TRIM24: variants seen among roughly 807,000 people sequenced by gnomAD.
The protein encoded by TRIM24 is transcription intermediary factor 1-alpha.
Under a neutral mutation model 123.9 loss-of-function variants are expected in TRIM24, and 29 were observed. The observed-to-expected ratio is 0.23, with a 90% confidence interval of 0.17 to 0.32. TRIM24 has a LOEUF of 0.32. Among genes scored for constraint, TRIM24 ranks in the 10% least tolerant of loss-of-function variants. The pLI, the probability that TRIM24 is intolerant of heterozygous loss-of-function variation, is 1.00. For synonymous variants in TRIM24, 456 were observed against 461.1 expected (o/e 0.99, Z 0.14); for missense variants, 932 against 1,295.3 (o/e 0.72, Z 4.31).
In TRIM24 at chr7:138,552,138, C is replaced by T. The variant is rs143245437; in HGVS notation, c.1261+958C>T. Among the ~76,000 whole-genome samples, 13 of 152,124 alleles carry T rather than the reference C, an allele frequency of 8.5e-5. No individual in the cohort carries two copies. In the East Asian group the frequency reaches 1.9e-3, roughly 23 times the overall value. ...AATTCAGTACAATTGCATGCTATAC[C>T]GGTTTGTAGCCTAGACTCTACCTAG... On this transcript the variant is annotated intron_variant, in intron 8 of 18. Transcript: ENST00000343526.
chr7:138,546,520 A>G, intron 7 of TRIM24, among the ~76,000 whole-genome samples: 1 of 152,138 alleles, frequency 6.6e-6, no homozygotes, highest in Non-Finnish European at 1.5e-5. Context: ...ATGTTAGAAG[A>G]TCTTTGTTTT....
chr7:138,587,198 C>A lies in TRIM24; in HGVS notation c.*2247C>A, dbSNP rs971427970. On this transcript the variant is annotated 3_prime_UTR_variant, in exon 19 of 19. Coordinates refer to ENST00000343526, the MANE Select transcript of TRIM24 (RefSeq NM_015905.3). ...TGAAACCCCGCCTCTACAAAAAATA[C>A]AAAAATTAGCCGGACATGGTGGCGT... 2.0e-5 allele frequency: 3 copies of A among 152,056 alleles called. No individual in the cohort carries two copies. Among genetic ancestry groups the A allele is most frequent in the Admixed American group, 2.0e-4 (3 of 15,258 alleles). 9.4% of individuals were successfully genotyped at this position (152,056 alleles called of 1,614,324 possible).
Position 138,559,861 on chromosome 7 carries a change from C to T in TRIM24, c.1530+4895C>T, listed in dbSNP as rs534707283. Among the ~76,000 whole-genome samples, 26 of 152,270 alleles carry T rather than the reference C, an allele frequency of 1.7e-4. No individual in the cohort carries two copies. In the South Asian group the frequency reaches 5.4e-3, roughly 32 times the overall value. On this transcript the variant is annotated intron_variant, in intron 9 of 18. Coordinates refer to ENST00000343526, the MANE Select transcript of TRIM24 (RefSeq NM_015905.3). ...AAGTGGTTGGGTTCCATTTCTTAAC[C>T]TAAACAGAGTCCCCAGGTCTAAAAG...
rs560631035 is a variant in TRIM24, at chr7:138,576,760, AAAGAT to A, written c.2087+318_2087+322del. On this transcript the variant is annotated intron_variant, in intron 13 of 18. Coordinates refer to ENST00000343526, the MANE Select transcript of TRIM24 (RefSeq NM_015905.3). Reference sequence around the variant, plus strand: ...CTATATAGAAACACAAATTTAGAGAAAAGATAAAATTTTATGCTAATTTGATCTCT... The same window carrying A: ...CTATATAGAAACACAAATTTAGAGAAAAAATTTTATGCTAATTTGATCTCT... Among the ~76,000 whole-genome samples the A allele has an allele frequency of 5.9e-5, 9 of 152,188 alleles. No individual in the cohort carries two copies. The South Asian group carries it at 1.4e-3, about 25-fold the overall frequency.
intron 8 of TRIM24, 66 bp downstream of exon 8, chr7:138,551,246 T>C: frequency 7.3e-7 from 1 of 1,366,608 alleles, no homozygotes; most frequent in South Asian, 1.2e-5. Flanking sequence ...GATTATGACA[T>C]GTTACTGAAA....
At chr7:138,548,770 T>A (rs1425084969) in intron 7 of TRIM24, among the ~76,000 whole-genome samples, 1 of 152,198 alleles carries the variant, frequency 6.6e-6, no homozygotes. Context: ...TATCTTTAAT[T>A]CATAAGCTTA....
At chr7:138,517,709 T>C (rs137908067) in intron 3 of TRIM24, among the ~76,000 whole-genome samples, 1 of 152,328 alleles carries the variant, frequency 6.6e-6, no homozygotes, top group Non-Finnish European at 1.5e-5. Context: ...TTTGACACTA[T>C]TGACATTTTG....
intron 2 of TRIM24, 42 bp downstream of exon 2, chr7:138,504,450 T>G (rs1796106958): frequency 4.1e-6 from 2 of 488,514 alleles, no homozygotes; most frequent in East Asian, 1.0e-4. Context: ...GCCAGCTCTT[T>G]TTTTTTTTTT....
chr7:138,529,097 TC>T lies in TRIM24; in HGVS notation c.882-15del. 2 of 1,450,856 alleles carry T rather than the reference TC, an allele frequency of 1.4e-6. No homozygotes were observed. The highest frequency in any genetic ancestry group is 1.9e-6 in the Non-Finnish European group (2 of 1,074,866). 89.9% of individuals were successfully genotyped at this position (1,450,856 alleles called of 1,614,324 possible). On this transcript the variant is annotated intron_variant, in intron 5 of 18. Transcript: ENST00000343526. ...ATACAAAAAAACTGCCTTATGTTTT[TC>T]CCCGTTTTAATTTTCAGAATTATTG...
chr7:138,460,877 C>T lies in TRIM24; in HGVS notation c.329C>T (p.Ser110Leu), dbSNP rs1399178144. The change falls in exon 1 of 19, where the codon TCG becomes TTG. Residue 110 changes from serine (S) to leucine (L), a missense_variant. Physicochemically the swap from Ser to Leu is moderately radical, Grantham distance 145. This residue lies in a region of TRIM24 where 164 missense variants were observed against 181.9 expected (regional missense o/e 0.90). Coordinates refer to ENST00000343526, the MANE Select transcript of TRIM24 (RefSeq NM_015905.3). ...CCGCCACCCGTCCCTGCCCCCGGCT[C>T]GCCGGTCAGCGGCTCGTCGCCGTTC... ...ETPPPVPAPGSPVSGSSPFAT... is the reference protein window; with the variant it reads ...ETPPPVPAPGLPVSGSSPFAT... The T allele has an allele frequency of 4.6e-6, 7 of 1,532,770 alleles. No individual in the cohort carries two copies. The highest frequency in any genetic ancestry group is 2.4e-5 in the South Asian group (2 of 84,664). 94.9% of individuals were successfully genotyped at this position (1,532,770 alleles called of 1,614,324 possible).
At position 138,573,420 on chromosome 7, in the gene TRIM24, T is replaced by TAAG. The variant is rs986442526; in HGVS notation, c.1879-86_1879-84dup. The TAAG allele has an allele frequency of 3.5e-6, 4 of 1,143,884 alleles. No homozygotes were observed. In the African/African-American group the frequency reaches 4.8e-5, roughly 14 times the overall value. 70.9% of individuals were successfully genotyped at this position (1,143,884 alleles called of 1,614,324 possible). A position where few individuals can be genotyped will look rare whatever the true frequency, so the allele number is the denominator to read the frequency against. On this transcript the variant is annotated intron_variant, in intron 11 of 18. Transcript: ENST00000343526. ...TGTTTTGTTATTCGATAATAATTAT[T>TAAG]AAGTTATTGAAGCTTTCTTATAAAT...
intron 15 of TRIM24, 128 bp from the exon 16 acceptor site, chr7:138,580,434 T>C: frequency 8.5e-7 from 1 of 1,180,130 alleles, no homozygotes; most frequent in Non-Finnish European, 1.2e-6. Context: ...TGGTAAATGC[T>C]CAGTGATTAA....
chr7:138,460,923 G>C lies in TRIM24; in HGVS notation c.364+11G>C. 1 of 1,435,710 alleles carries C rather than the reference G, an allele frequency of 7.0e-7. No homozygotes were observed. Among genetic ancestry groups the C allele is most frequent in the Admixed American group, 2.9e-5 (1 of 33,970 alleles). 88.9% of individuals were successfully genotyped at this position (1,435,710 alleles called of 1,614,324 possible). A position where few individuals can be genotyped will look rare whatever the true frequency, so the allele number is the denominator to read the frequency against. On this transcript the variant is annotated intron_variant, in intron 1 of 18. Coordinates refer to ENST00000343526, the MANE Select transcript of TRIM24 (RefSeq NM_015905.3). ...CGTTCGCCACCCAAGGTGAGAACCG[G>C]CCGCGGCCGCTGGGGAGCCCGGGGA...
chr7:138,532,777 G>A (rs1796775982), intron 6 of TRIM24, among the ~76,000 whole-genome samples: 1 of 152,146 alleles, frequency 6.6e-6, no homozygotes, highest in South Asian at 2.1e-4. Context: ...AACGGGGATG[G>A]CATTGAATCT....
intron 1 of TRIM24, among the ~76,000 whole-genome samples, chr7:138,475,136 A>G (rs1384820384): frequency 1.3e-5 from 2 of 152,172 alleles, no homozygotes; most frequent in Non-Finnish European, 2.9e-5. Context: ...GGGCATCAAG[A>G]GATATTACTA....
intron 9 of TRIM24, among the ~76,000 whole-genome samples, chr7:138,561,541 A>T (rs1008776660): frequency 4.6e-5 from 7 of 152,160 alleles, no homozygotes; most frequent in Non-Finnish European, 1.0e-4. Context: ...CAGTACCTGG[A>T]TGGTCAGTTG....
intron 18 of TRIM24, among the ~76,000 whole-genome samples, 174 bp from the exon 19 acceptor site, chr7:138,584,568 C>T (rs556036884): frequency 6.6e-6 from 1 of 152,114 alleles, no homozygotes; most frequent in South Asian, 2.1e-4. Flanking sequence ...ATCTTTTTTC[C>T]ACACTTCTGA....
chr7:138,581,355 C>T (rs929963220), intron 16 of TRIM24, among the ~76,000 whole-genome samples: 9 of 152,178 alleles, frequency 5.9e-5, no homozygotes, highest in Non-Finnish European at 1.2e-4. Flanking sequence ...GGTCTGGATG[C>T]ATATTGAGAA....
At chr7:138,562,832 C>A (rs1797454825) in intron 9 of TRIM24, among the ~76,000 whole-genome samples, 1 of 152,150 alleles carries the variant, frequency 6.6e-6, no homozygotes, top group South Asian at 2.1e-4. Flanking sequence ...AGGGTTAACA[C>A]CATGGCCTTT....
Sources: allele counts gnomAD v4.1 joint callset (sites outside exome capture counted in the v4.1 genomes callset), GRCh38; gene constraint gnomAD v4.1.1; regional missense constraint gnomAD v4.1.1; transcripts MANE v1.5; gene names NCBI Gene and HGNC (gene_info 2026-07-23, HGNC 2026-07-21).